Variants in STPG2 observed in about 807,000 individuals in gnomAD.
STPG2 encodes the protein sperm tail PG-rich repeat containing 2.
STPG2 carries 56 observed loss-of-function variants against 54.2 expected under a neutral mutation model. The observed-to-expected ratio is 1.03, with a 90% CI of 0.83 to 1.29. STPG2 has a LOEUF of 1.29. Among genes scored for constraint, STPG2 ranks in the 50% most tolerant of loss-of-function variants. The pLI is 0.00. For synonymous variants in STPG2, 200 were observed against 181.8 expected, an observed-to-expected ratio of 1.10 and a Z score of -0.81; for missense variants, 596 against 544.9, an observed-to-expected ratio of 1.09 and a Z score of -0.93.
chr4:97,484,983 G>GA (rs1221450466), intron 4 of STPG2, among the ~76,000 whole-genome samples: 2 of 151,812 alleles, frequency 1.3e-5, no homozygotes, highest in Non-Finnish European at 2.9e-5. Flanking sequence ...ACTAGATGCA[G>GA]AAAAAGCATT....
At chr4:97,706,338 G>A (rs73834167) in intron 10 of STPG2, among the ~76,000 whole-genome samples, 2,687 of 152,184 alleles carry the variant, frequency 0.018, 77 homozygotes, top group African/African-American at 0.061. Context: ...AACCCCTAGT[G>A]TGATAGTATT....
intron 4 of STPG2, among the ~76,000 whole-genome samples, chr4:97,526,163 TA>T (rs958207973): frequency 1.3e-5 from 2 of 152,036 alleles, no homozygotes; most frequent in African/African-American, 4.8e-5. Flanking sequence ...CCTTCAAAGT[TA>T]TTAAAAGTTA....
chr4:97,502,470 G>A (rs900135595), intron 4 of STPG2, among the ~76,000 whole-genome samples: 12 of 151,964 alleles, frequency 7.9e-5, no homozygotes, highest in South Asian at 2.1e-4. Flanking sequence ...GTTGACTTCC[G>A]ACTATAAAGG....
At chr4:97,737,064 G>C (rs1246563018) in intron 9 of STPG2, among the ~76,000 whole-genome samples, 1 of 152,132 alleles carries the variant, frequency 6.6e-6, no homozygotes, top group Non-Finnish European at 1.5e-5. Context: ...AAAATACGCT[G>C]TTCTGCAGCC....
chr4:98,006,192 G>A (rs1437199183), intron 5 of STPG2, among the ~76,000 whole-genome samples: 4 of 152,152 alleles, frequency 2.6e-5, no homozygotes, highest in South Asian at 2.1e-4. Context: ...TTTACATCAC[G>A]GGGAAGAGAA....
chr4:97,748,678 G>C (rs1034146116), intron 9 of STPG2, among the ~76,000 whole-genome samples: 1 of 151,462 alleles, frequency 6.6e-6, no homozygotes, highest in Non-Finnish European at 1.5e-5. Context: ...AGCCACCATA[G>C]ACAATTATAA....
At chr4:97,532,429 T>C (rs757612460) in intron 4 of STPG2, among the ~76,000 whole-genome samples, 1 of 152,280 alleles carries the variant, frequency 6.6e-6, no homozygotes, top group Non-Finnish European at 1.5e-5. Flanking sequence ...TTTTTGACTG[T>C]ATATTTTCAA....
At chr4:97,942,365 AC>A (rs1733020494) in intron 8 of STPG2, among the ~76,000 whole-genome samples, 4 of 152,078 alleles carry the variant, frequency 2.6e-5, no homozygotes. Context: ...ACAATGACTC[AC>A]TTGAAAAATA....
intron 4 of STPG2, among the ~76,000 whole-genome samples, chr4:97,537,990 A>G (rs1169552207): frequency 6.6e-6 from 1 of 152,232 alleles, no homozygotes; most frequent in African/African-American, 2.4e-5. Context: ...GATCCTGACT[A>G]TTAAAAGGAA....
chr4:97,895,156 AC>A (rs1730910824), intron 8 of STPG2, among the ~76,000 whole-genome samples: 1 of 151,868 alleles, frequency 6.6e-6, no homozygotes, highest in South Asian at 2.1e-4. Flanking sequence ...GATAGTGATG[AC>A]ACGGTAATAA....
intron 8 of STPG2, among the ~76,000 whole-genome samples, chr4:97,880,072 G>A (rs192778593): frequency 6.6e-6 from 1 of 152,242 alleles, no homozygotes; most frequent in African/African-American, 2.4e-5. Flanking sequence ...TGAACAAATG[G>A]ATAAGGAAAA....
intron 9 of STPG2, among the ~76,000 whole-genome samples, chr4:97,741,547 G>A (rs909956025): frequency 6.6e-6 from 1 of 152,158 alleles, no homozygotes; most frequent in South Asian, 2.1e-4. Context: ...TCAAAAAGTG[G>A]GCAAAGGACA....
chr4:97,941,068 A>G (rs1336934726), intron 8 of STPG2, among the ~76,000 whole-genome samples: 1 of 152,136 alleles, frequency 6.6e-6, no homozygotes, highest in African/African-American at 2.4e-5. Flanking sequence ...CTTTAGGTAG[A>G]GGGAGAACTC....
chr4:97,934,279 C>G (rs1482105531), intron 8 of STPG2, among the ~76,000 whole-genome samples: 1 of 152,156 alleles, frequency 6.6e-6, no homozygotes, highest in Non-Finnish European at 1.5e-5. Flanking sequence ...ATGTGGTTTT[C>G]TAGATATAGG....
chr4:97,698,768 T>C (rs1026865902), intron 10 of STPG2, among the ~76,000 whole-genome samples: 1 of 152,110 alleles, frequency 6.6e-6, no homozygotes. Context: ...CTAGTCGGCG[T>C]TGTAATTGTG....
chr4:97,657,818 T>C (rs1199160799), intron 10 of STPG2, among the ~76,000 whole-genome samples: 2 of 152,242 alleles, frequency 1.3e-5, no homozygotes, highest in East Asian at 3.8e-4. Flanking sequence ...TAGAATGTTA[T>C]GCAAAGACAT....
At chr4:98,055,724 T>G (rs1055606788) in intron 5 of STPG2, among the ~76,000 whole-genome samples, 3 of 152,154 alleles carry the variant, frequency 2.0e-5, no homozygotes, top group African/African-American at 7.2e-5. Flanking sequence ...TTTGCTCCCA[T>G]AAGAGACTTT....
At chr4:97,538,932 C>A (rs540946851) in intron 4 of STPG2, among the ~76,000 whole-genome samples, 19 of 152,254 alleles carry the variant, frequency 1.2e-4, no homozygotes, top group African/African-American at 3.1e-4. Flanking sequence ...ATTTCATATC[C>A]AGCCAAACTA....
At chr4:97,656,695 T>A (rs1204877508) in intron 10 of STPG2, among the ~76,000 whole-genome samples, 1 of 150,808 alleles carries the variant, frequency 6.6e-6, no homozygotes, top group Non-Finnish European at 1.5e-5. Flanking sequence ...TTTCTTTAGA[T>A]TGGCAACTAG....
Sources: allele counts gnomAD v4.1 joint callset (sites outside exome capture counted in the v4.1 genomes callset), GRCh38; gene constraint gnomAD v4.1.1; transcripts MANE v1.5; gene names NCBI Gene and HGNC (gene_info 2026-07-23, HGNC 2026-07-21).